CENPW: variants seen among roughly 807,000 people sequenced by gnomAD.
CENPW encodes centromere protein W, also known as cancer-up-regulated gene 2 protein.
A neutral mutation model predicts 11.1 loss-of-function variants in CENPW; 3 were observed. The ratio of observed to expected loss-of-function variants is 0.27; its 90% CI spans 0.12 to 0.70. The LOEUF (loss-of-function observed/expected upper bound fraction) is 0.70. Ranked by LOEUF, CENPW falls within the 30% of genes least tolerant of loss-of-function variation. The probability of loss-of-function intolerance (pLI) is 0.77; values close to 1 mark genes in which losing one functional copy is unlikely to be tolerated. For missense variants in CENPW, 100 were observed against 105.6 expected (o/e 0.95, Z 0.23); for synonymous variants, 38 against 42.0 (o/e 0.91, Z 0.37).
At chr6:126,352,386 A>T (rs572539330), downstream of CENPW, among the ~76,000 whole-genome samples, 1 of 152,234 alleles carries the variant, frequency 6.6e-6, no homozygotes, top group East Asian at 1.9e-4. Flanking sequence ...GATACTCTAG[A>T]GGCTTTTTAT....
the CENPW span, among the ~76,000 whole-genome samples, chr6:126,360,309 G>T: frequency 3.5e-5 from 5 of 143,782 alleles, no homozygotes; most frequent in African/African-American, 1.2e-4. Context: ...GCTTGATGGG[G>T]TTCCTTTTGT....
At chr6:126,353,081 A>C (rs1243866351), downstream of CENPW, among the ~76,000 whole-genome samples, 3 of 152,032 alleles carry the variant, frequency 2.0e-5, no homozygotes, top group Non-Finnish European at 4.4e-5. Context: ...TTTTAATTTT[A>C]CATTTGTTAA....
chr6:126,468,538 A>G, the CENPW span, among the ~76,000 whole-genome samples: 13 of 151,826 alleles, frequency 8.6e-5, no homozygotes, highest in Admixed American at 7.9e-4. Context: ...AAATCTGAAT[A>G]AATTATGGGT....
chr6:126,464,602 G>A, the CENPW span, among the ~76,000 whole-genome samples: 1 of 152,260 alleles, frequency 6.6e-6, no homozygotes, highest in Admixed American at 6.5e-5. Flanking sequence ...TCGAACATCA[G>A]ACTCCAAGTT....
chr6:126,445,818 A>T, the CENPW span, among the ~76,000 whole-genome samples: 1 of 151,222 alleles, frequency 6.6e-6, no homozygotes, highest in Non-Finnish European at 1.5e-5. Flanking sequence ...AGACTCAGGA[A>T]TGCATTCCCA....
chr6:126,384,543 A>G, the CENPW span, among the ~76,000 whole-genome samples: 1 of 152,200 alleles, frequency 6.6e-6, no homozygotes, highest in Non-Finnish European at 1.5e-5. Flanking sequence ...TCCCTGTTCA[A>G]TAAATGTGCT....
the CENPW span, among the ~76,000 whole-genome samples, chr6:126,452,832 T>C: frequency 4.2e-4 from 63 of 150,994 alleles, no homozygotes; most frequent in African/African-American, 1.5e-3. Context: ...AGACACATCA[T>C]AATCAAGCTG....
chr6:126,340,573 T>G, intron 1 of CENPW, 174 bp downstream of exon 1: 1 of 862,280 alleles, frequency 1.2e-6, no homozygotes, highest in Non-Finnish European at 1.8e-6. Context: ...TCAGTTCATA[T>G]TCCTGGCGCT....
the CENPW span, among the ~76,000 whole-genome samples, chr6:126,441,976 G>T: frequency 6.6e-6 from 1 of 151,588 alleles, no homozygotes; most frequent in Admixed American, 6.6e-5. Context: ...CCAGTAGTGG[G>T]ACTGCTGGAT....
At chr6:126,462,558 A>ACACACG in the CENPW span, among the ~76,000 whole-genome samples, 56 of 149,364 alleles carry the variant, frequency 3.7e-4, no homozygotes, top group African/African-American at 1.3e-3. Context: ...ACACACACAC[A>ACACACG]CGCATCTTCT....
At chr6:126,386,442 C>T in the CENPW span, among the ~76,000 whole-genome samples, 1 of 151,940 alleles carries the variant, frequency 6.6e-6, no homozygotes, top group Non-Finnish European at 1.5e-5. Context: ...TTAAACATGC[C>T]CAGTACTATT....
the CENPW span, among the ~76,000 whole-genome samples, chr6:126,427,445 G>A: frequency 6.6e-6 from 1 of 152,014 alleles, no homozygotes; most frequent in Non-Finnish European, 1.5e-5. Context: ...CTAATTATGT[G>A]GACACCTAAA....
At chr6:126,354,750 CTG>C in the CENPW span, among the ~76,000 whole-genome samples, 1 of 152,072 alleles carries the variant, frequency 6.6e-6, no homozygotes, top group African/African-American at 2.4e-5. Flanking sequence ...TTTTTTGTCA[CTG>C]TAGCAGATCT....
the CENPW span, among the ~76,000 whole-genome samples, chr6:126,451,150 T>C: frequency 3.3e-5 from 5 of 151,024 alleles, no homozygotes; most frequent in Admixed American, 3.3e-4. Context: ...AAGTTAAATA[T>C]TAGAAATTTT....
the CENPW span, among the ~76,000 whole-genome samples, chr6:126,439,639 T>C: frequency 6.6e-6 from 1 of 151,654 alleles, no homozygotes; most frequent in Non-Finnish European, 1.5e-5. Context: ...TGAATGTTTG[T>C]ACCAAATTGA....
chr6:126,380,367 G>A, the CENPW span, among the ~76,000 whole-genome samples: 1 of 152,316 alleles, frequency 6.6e-6, no homozygotes, highest in South Asian at 2.1e-4. Context: ...TTCAAATTGT[G>A]TATTGAATTG....
At chr6:126,363,426 C>T in the CENPW span, among the ~76,000 whole-genome samples, 1 of 152,164 alleles carries the variant, frequency 6.6e-6, no homozygotes, top group African/African-American at 2.4e-5. Context: ...ATTAGTTGGA[C>T]CTAAATAGTA....
the CENPW span, among the ~76,000 whole-genome samples, chr6:126,454,177 AAC>A: frequency 6.6e-6 from 1 of 151,440 alleles, no homozygotes; most frequent in South Asian, 2.1e-4. Flanking sequence ...GCAGAAAACT[AAC>A]ACAGATATTT....
the CENPW span, among the ~76,000 whole-genome samples, chr6:126,471,298 A>ACT: frequency 6.7e-6 from 1 of 149,816 alleles, no homozygotes; most frequent in African/African-American, 2.5e-5. Flanking sequence ...CCCTGCATGC[A>ACT]CTCTCTCTCT....
Sources: gnomAD v4.1 joint callset for allele counts (sites outside exome capture counted in the v4.1 genomes callset) on GRCh38, gnomAD v4.1.1 for gene constraint, MANE v1.5 for transcripts, NCBI Gene and HGNC (gene_info 2026-07-23, HGNC 2026-07-21) for gene names.